Variants in TENM1 observed in about 807,000 individuals in gnomAD.
TENM1 encodes teneurin transmembrane protein 1.
Under a neutral mutation model 174.8 loss-of-function variants are expected in TENM1, and 35 were observed. The observed-to-expected ratio is 0.20, with a 90% CI of 0.15 to 0.27. The LOEUF is 0.27. Ranked by LOEUF, TENM1 falls within the 10% of genes least tolerant of loss-of-function variation. The probability of loss-of-function intolerance (pLI) is 1.00; values close to 1 mark genes in which losing one functional copy is unlikely to be tolerated. For missense variants in TENM1, 1,633 were observed against 2,130.1 expected, an observed-to-expected ratio of 0.77 and a Z score of 4.59; for synonymous variants, 781 against 798.7, an observed-to-expected ratio of 0.98 and a Z score of 0.37.
At chrX:124,677,741 A>G (rs1431357250) in intron 5 of TENM1, among the ~76,000 whole-genome samples, 1 of 111,616 alleles carries the variant, frequency 9.0e-6, no homozygotes, top group Non-Finnish European at 1.9e-5. Flanking sequence ...ATTGAAGGAA[A>G]CTAAGGAGAC....
At chrX:124,742,384 T>C (rs780303672) in intron 3 of TENM1, among the ~76,000 whole-genome samples, 76 of 110,986 alleles carry the variant, frequency 6.8e-4, no homozygotes, top group African/African-American at 2.5e-3. Flanking sequence ...CTCTGAAAAA[T>C]GAGTTTGTTT....
chrX:124,538,954 G>A (rs183716514), intron 15 of TENM1, among the ~76,000 whole-genome samples: 2 of 111,346 alleles, frequency 1.8e-5, no homozygotes, highest in East Asian at 5.6e-4. Context: ...TTTCTGTCAT[G>A]CATGAGTTAA....
At chrX:124,422,233 C>A in intron 24 of TENM1, 39 bp downstream of exon 27, 1 of 1,172,200 alleles carries the variant, frequency 8.5e-7, no homozygotes, top group East Asian at 3.0e-5. Context: ...CTTTTCAAAA[C>A]AGAGAGGGGA....
the TENM1 span, among the ~76,000 whole-genome samples, chrX:125,052,550 T>C: frequency 1.7e-4 from 19 of 111,680 alleles, no homozygotes; most frequent in East Asian, 5.3e-3. Context: ...TGAACTCCTA[T>C]AATAGTGCCA....
At position 124,918,321 on chromosome X, in the gene TENM1, A is replaced by T. The variant is rs567309905; in HGVS notation, c.218-22080T>A. 2.7e-5 allele frequency among the ~76,000 whole-genome samples: 3 copies of T among 110,252 alleles called. No homozygotes were observed. In the South Asian group the frequency reaches 1.2e-3, roughly 44 times the overall value. ...CAGCCTCCAGAGTAGCTGGGACTAC[A>T]GGCGCGTGCCACCACGTCTGGCTAA... On this transcript the variant is annotated intron_variant, in intron 1 of 31. Transcript: ENST00000422452.
chrX:125,143,829 T>C, the TENM1 span, among the ~76,000 whole-genome samples: 1 of 111,845 alleles, frequency 8.9e-6, no homozygotes, highest in Non-Finnish European at 1.9e-5. Context: ...TTCTAGACTA[T>C]GAAATTAAAC....
At chrX:125,083,949 T>A in the TENM1 span, among the ~76,000 whole-genome samples, 1 of 110,794 alleles carries the variant, frequency 9.0e-6, no homozygotes, top group Non-Finnish European at 1.9e-5. Flanking sequence ...GAAGTGAAAG[T>A]GGGGATGCTC....
At position 124,757,036 on chromosome X, in the gene TENM1, A is replaced by G. The variant is rs1181551754; in HGVS notation, c.536-19839T>C. 4.5e-5 allele frequency among the ~76,000 whole-genome samples: 5 copies of G among 112,078 alleles called. No individual in the cohort carries two copies. In the Admixed American group the frequency reaches 4.7e-4, roughly 11 times the overall value. The stretch of plus-strand genomic sequence containing the variant: ...GTCTCTTCAAAGCTGTCAGACAGGG[A>G]CATTTAAGTCTGCAGAGGTTACTGC... On this transcript the variant is annotated intron_variant, in intron 3 of 31. Coordinates refer to ENST00000422452, the Ensembl canonical transcript of TENM1.
chrX:125,033,660 G>A, the TENM1 span, among the ~76,000 whole-genome samples: 2 of 110,454 alleles, frequency 1.8e-5, no homozygotes, highest in African/African-American at 3.3e-5. Context: ...ACATTTTACC[G>A]TTTTGATATG....
chrX:124,809,844 G>GAGAGAC (rs2055712849), intron 3 of TENM1, among the ~76,000 whole-genome samples: 1 of 4,203 alleles, frequency 2.4e-4, no homozygotes, highest in Non-Finnish European at 4.1e-4. Context: ...ATGACAGCAG[G>GAGAGAC]AGAGAGAGAG....
intron 22 of TENM1, among the ~76,000 whole-genome samples, chrX:124,468,950 C>G (rs2061269829): frequency 1.1e-5 from 1 of 88,131 alleles, no homozygotes; most frequent in South Asian, 5.8e-4. Context: ...TTTGACCAAC[C>G]CCCTGTCAAT....
intron 4 of TENM1, among the ~76,000 whole-genome samples, chrX:124,707,682 T>C (rs1462611506): frequency 2.7e-5 from 3 of 112,018 alleles, no homozygotes; most frequent in African/African-American, 9.7e-5. Context: ...CTCCACCTTT[T>C]TACAGGAATT....
At chrX:125,113,006 A>T in the TENM1 span, among the ~76,000 whole-genome samples, 5 of 111,396 alleles carry the variant, frequency 4.5e-5, no homozygotes, top group African/African-American at 6.5e-5. Context: ...ATTTTGAAAA[A>T]GAATCATGAT....
chrX:124,453,079 T>A (rs2061062150), intron 23 of TENM1, among the ~76,000 whole-genome samples: 1 of 111,874 alleles, frequency 8.9e-6, no homozygotes, highest in Non-Finnish European at 1.9e-5. Flanking sequence ...TACCCTCTGA[T>A]TAATTCAAGC....
At chrX:124,831,733 A>G (rs1193741627) in intron 3 of TENM1, among the ~76,000 whole-genome samples, 1 of 111,917 alleles carries the variant, frequency 8.9e-6, no homozygotes, top group Non-Finnish European at 1.9e-5. Context: ...ATGTCCTGGC[A>G]TTTATTGCAT....
At chrX:124,594,759 C>A (rs1373044018) in intron 11 of TENM1, among the ~76,000 whole-genome samples, 1 of 112,014 alleles carries the variant, frequency 8.9e-6, no homozygotes, top group Non-Finnish European at 1.9e-5. Context: ...TCAATCTTTT[C>A]TCATGTACTT....
intron 3 of TENM1, among the ~76,000 whole-genome samples, chrX:124,866,378 A>G (rs757717033): frequency 1.9e-4 from 21 of 112,247 alleles, no homozygotes; most frequent in African/African-American, 6.5e-4. Flanking sequence ...ATAAAAATAC[A>G]TAGAAATTAA....
chrX:125,001,503 T>G, the TENM1 span, among the ~76,000 whole-genome samples: 1,518 of 111,879 alleles, frequency 0.014, 6 homozygotes, highest in East Asian at 0.067. Flanking sequence ...GATTTAATAA[T>G]GTACACAAAT....
chrX:124,581,914 C>T (rs1372389419), intron 11 of TENM1, among the ~76,000 whole-genome samples: 3 of 111,474 alleles, frequency 2.7e-5, no homozygotes, highest in East Asian at 2.8e-4. Context: ...TTCCGGGATG[C>T]ATGTGTGGGA....
Sources: allele counts gnomAD v4.1 joint callset (sites outside exome capture counted in the v4.1 genomes callset), GRCh38; gene constraint gnomAD v4.1.1; transcripts MANE v1.5; gene names NCBI Gene and HGNC (gene_info 2026-07-23, HGNC 2026-07-21).